EPHA6: variants seen among roughly 807,000 people sequenced by gnomAD.
EPHA6 encodes the protein EPH receptor A6.
A neutral mutation model predicts 112.0 loss-of-function variants in EPHA6; 50 were observed. The ratio of observed to expected loss-of-function variants is 0.45; its 90% CI spans 0.36 to 0.56. The LOEUF is 0.56. EPHA6 is among the 20% of genes least tolerant of loss of function. The probability of loss-of-function intolerance (pLI) is 0.00; values close to 1 mark genes in which losing one functional copy is unlikely to be tolerated. For missense variants in EPHA6, 1,280 were observed against 1,417.4 expected (o/e 0.90, Z 1.56); for synonymous variants, 529 against 490.7 (o/e 1.08, Z -1.03).
intron 14 of EPHA6, among the ~76,000 whole-genome samples, chr3:97,717,486 C>T (rs1348435736): frequency 6.6e-5 from 10 of 152,146 alleles, no homozygotes; most frequent in Admixed American, 3.3e-4. Flanking sequence ...TCTCCTAAGG[C>T]CCCACTCTGT....
At chr3:97,537,463 AGT>A (rs1214674861) in intron 11 of EPHA6, among the ~76,000 whole-genome samples, 1 of 152,180 alleles carries the variant, frequency 6.6e-6, no homozygotes, top group African/African-American at 2.4e-5. Context: ...GCAACAAATA[AGT>A]GTGTCATTAT....
intron 3 of EPHA6, among the ~76,000 whole-genome samples, chr3:97,077,809 T>C (rs568737851): frequency 6.2e-4 from 94 of 152,316 alleles, no homozygotes; most frequent in African/African-American, 2.2e-3. Context: ...GACATTTGGC[T>C]TGGTTCCAAG....
At chr3:97,690,726 C>T (rs2032607223) in intron 14 of EPHA6, among the ~76,000 whole-genome samples, 1 of 152,122 alleles carries the variant, frequency 6.6e-6, no homozygotes, top group South Asian at 2.1e-4. Flanking sequence ...CCTCCATTTC[C>T]CAAAGTGCTG....
intron 11 of EPHA6, chr3:97,570,097 AC>A (rs1253882116): frequency 2.6e-5 from 4 of 152,180 alleles, no homozygotes; most frequent in Non-Finnish European, 5.9e-5. Context: ...TTATTTTTAT[AC>A]TACCCAGCTG....
intron 3 of EPHA6, among the ~76,000 whole-genome samples, chr3:97,191,443 A>G (rs956259210): frequency 8.6e-5 from 13 of 151,880 alleles, no homozygotes; most frequent in Admixed American, 5.3e-4. Context: ...TTTTCTACCC[A>G]TTAACCATCA....
At chr3:97,658,952 T>C (rs1417891406) in intron 14 of EPHA6, among the ~76,000 whole-genome samples, 1 of 151,982 alleles carries the variant, frequency 6.6e-6, no homozygotes, top group Non-Finnish European at 1.5e-5. Flanking sequence ...TTTGTTTTTC[T>C]TTCTTAGTTT....
At chr3:97,667,554 T>A (rs1233748655) in intron 14 of EPHA6, among the ~76,000 whole-genome samples, 2 of 152,220 alleles carry the variant, frequency 1.3e-5, no homozygotes. Flanking sequence ...TAAAAAGACA[T>A]AGACACATTT....
intron 8 of EPHA6, among the ~76,000 whole-genome samples, chr3:97,477,703 C>T (rs887727076): frequency 6.6e-6 from 1 of 152,122 alleles, no homozygotes; most frequent in African/African-American, 2.4e-5. Flanking sequence ...ATAAACCTTA[C>T]TGTATATTCC....
At chr3:97,268,256 C>T (rs2079759779) in intron 5 of EPHA6, among the ~76,000 whole-genome samples, 1 of 152,104 alleles carries the variant, frequency 6.6e-6, no homozygotes, top group Non-Finnish European at 1.5e-5. Flanking sequence ...TGCTTAGATT[C>T]TATTTGTTAG....
At chr3:96,905,463 T>C (rs1454913924) in intron 2 of EPHA6, among the ~76,000 whole-genome samples, 1 of 150,870 alleles carries the variant, frequency 6.6e-6, no homozygotes, top group South Asian at 2.1e-4. Context: ...ATTATGAAAA[T>C]ACAGATTTTA....
chr3:97,359,985 G>T (rs540622768), intron 5 of EPHA6, among the ~76,000 whole-genome samples: 2 of 152,262 alleles, frequency 1.3e-5, no homozygotes, highest in South Asian at 4.1e-4. Context: ...AAATAAACAG[G>T]AATAAAATGT....
At chr3:96,910,672 C>T (rs569259594) in intron 2 of EPHA6, among the ~76,000 whole-genome samples, 5 of 152,050 alleles carry the variant, frequency 3.3e-5, no homozygotes, top group African/African-American at 1.2e-4. Context: ...TCTCAAATGC[C>T]ATTTGAGCAA....
intron 6 of EPHA6, among the ~76,000 whole-genome samples, chr3:97,420,531 C>G (rs558152215): frequency 2.0e-4 from 30 of 152,090 alleles, no homozygotes; most frequent in Middle Eastern, 3.4e-3. Flanking sequence ...TACTTCACTA[C>G]TAAATAATTG....
In EPHA6 at chr3:97,754,903, C is replaced by T. The variant is rs1200351033; in HGVS notation, c.*6202C>T. 6.6e-6 allele frequency among the ~76,000 whole-genome samples: 1 copy of T among 152,070 alleles called. No individual in the cohort carries two copies. The highest frequency in any genetic ancestry group is 1.9e-4 in the East Asian group (1 of 5,172). ...TATTTTTAGTAGAGACGGAGTTTCA[C>T]CGTGTTAGCCAGGATGGTCTCGATC... On this transcript the variant is annotated 3_prime_UTR_variant, in exon 18 of 18. Coordinates refer to ENST00000389672, the MANE Select transcript of EPHA6 (RefSeq NM_001080448.3).
intron 5 of EPHA6, among the ~76,000 whole-genome samples, chr3:97,268,880 T>C (rs2108635975): frequency 6.6e-6 from 1 of 152,330 alleles, no homozygotes; most frequent in Non-Finnish European, 1.5e-5. Context: ...TTGTTTTCTT[T>C]AAATTTTCTC....
intron 11 of EPHA6, among the ~76,000 whole-genome samples, chr3:97,572,501 A>C (rs1026726905): frequency 1.3e-5 from 2 of 151,926 alleles, no homozygotes; most frequent in Non-Finnish European, 2.9e-5. Context: ...TCTTTGTTTT[A>C]TGCTGATATT....
intron 5 of EPHA6, among the ~76,000 whole-genome samples, chr3:97,359,255 T>C (rs185782830): frequency 6.6e-6 from 1 of 152,168 alleles, no homozygotes; most frequent in Admixed American, 6.5e-5. Context: ...ATTTTTTTCA[T>C]TTTGTCCCTC....
At position 97,293,843 on chromosome 3, in the gene EPHA6, C is replaced by T. The variant is rs140393777; in HGVS notation, c.1606+49556C>T. ...TCCATGGATCCCTGGCTGTCCATGC[C>T]GAGGAGTGCCTGCAAGCCTGTGCCA... On this transcript the variant is annotated intron_variant, in intron 5 of 17. Transcript: ENST00000389672. Among the ~76,000 whole-genome samples the T allele has an allele frequency of 3.9e-5, 6 of 152,316 alleles. No individual in the cohort carries two copies. The East Asian group carries it at 7.7e-4, about 20-fold the overall frequency.
intron 5 of EPHA6, among the ~76,000 whole-genome samples, chr3:97,296,780 C>A (rs931956594): frequency 2.0e-5 from 3 of 152,072 alleles, no homozygotes; most frequent in African/African-American, 7.2e-5. Context: ...CTCTTTATCT[C>A]AGGGGCAGCC....
Sources: allele counts gnomAD v4.1 joint callset (sites outside exome capture counted in the v4.1 genomes callset), GRCh38; gene constraint gnomAD v4.1.1; transcripts MANE v1.5; gene names NCBI Gene and HGNC (gene_info 2026-07-23, HGNC 2026-07-21).